The following NSD2 variants were observed in gnomAD, a reference collection of about 807,000 sequenced individuals.
NSD2 encodes nuclear receptor binding SET domain protein 2.
A neutral mutation model predicts 139.0 loss-of-function variants in NSD2; 12 were observed. The ratio of observed to expected loss-of-function variants is 0.09; its 90% CI spans 0.06 to 0.14. The LOEUF is 0.14. NSD2 is among the 10% of genes least tolerant of loss of function. The pLI is 1.00. For missense variants in NSD2, 1,155 were observed against 1,745.0 expected, an observed-to-expected ratio of 0.66 and a Z score of 6.02; for synonymous variants, 669 against 648.7, an observed-to-expected ratio of 1.03 and a Z score of -0.48.
chr4:1,963,465 G>T (rs928827588), intron 18 of NSD2, among the ~76,000 whole-genome samples: 4 of 152,216 alleles, frequency 2.6e-5, no homozygotes, highest in African/African-American at 9.7e-5. Context: ...GAGGTTATTT[G>T]TTAGACATCG....
intron 4 of NSD2, 84 bp downstream of exon 4, chr4:1,917,121 T>C (rs577887332): frequency 2.9e-5 from 37 of 1,286,892 alleles, no homozygotes; most frequent in African/African-American, 2.0e-4. Flanking sequence ...TTTGAACTTA[T>C]ACTTGCTCGA....
chr4:1,891,868 A>C (rs573885483), intron 1 of NSD2, among the ~76,000 whole-genome samples: 50 of 151,166 alleles, frequency 3.3e-4, no homozygotes, highest in Non-Finnish European at 4.1e-4. Context: ...AAAAAAAAAA[A>C]AAACAAAAAA....
intron 9 of NSD2, chr4:1,944,111 G>C: frequency 2.8e-6 from 3 of 1,066,354 alleles, no homozygotes; most frequent in South Asian, 9.1e-5. Context: ...CGTTCCCTGG[G>C]GACATTGGGA....
chr4:1,874,275 C>T (rs1714090118), intron 1 of NSD2, among the ~76,000 whole-genome samples: 1 of 152,110 alleles, frequency 6.6e-6, no homozygotes, highest in Admixed American at 6.6e-5. Context: ...TAAGTGTGAC[C>T]TTGTTCTCCA....
Position 1,973,279 on chromosome 4 carries a change from C to A in NSD2, c.3373-1584C>A, listed in dbSNP as rs953231932. On this transcript the variant is annotated intron_variant, in intron 18 of 21. Coordinates refer to ENST00000508803, the MANE Select transcript of NSD2 (RefSeq NM_001042424.3). The surrounding 1 kb of genome is among the most constrained non-coding windows in gnomAD (Gnocchi z 5.5). ...AACTGGCCCGATAAGAAGGAAGTGG[C>A]ACTGGGCCCCGCTGGTAATGGTAGG... 1.3e-5 allele frequency among the ~76,000 whole-genome samples: 2 copies of A among 152,214 alleles called. No homozygotes were observed. Among genetic ancestry groups the A allele is most frequent in the Non-Finnish European group, 2.9e-5 (2 of 68,032 alleles).
intron 3 of NSD2, among the ~76,000 whole-genome samples, chr4:1,915,377 G>A (rs1461224275): frequency 6.6e-6 from 1 of 152,128 alleles, no homozygotes; most frequent in African/African-American, 2.4e-5. Flanking sequence ...GCCTCCCAAA[G>A]TGCTGGGATT....
chr4:1,894,784 G>A (rs554363926), intron 1 of NSD2, among the ~76,000 whole-genome samples: 21 of 152,054 alleles, frequency 1.4e-4, no homozygotes, highest in Admixed American at 1.3e-3. Context: ...GAGGATTTTT[G>A]GGGGTATACG....
intron 21 of NSD2, 56 bp from the exon 22 acceptor site, chr4:1,978,582 T>C: frequency 1.9e-6 from 3 of 1,548,116 alleles, no homozygotes; most frequent in South Asian, 2.5e-5. Flanking sequence ...ACCACGATAA[T>C]GTTGAAGTCG....
At chr4:1,917,857 C>T in intron 4 of NSD2, among the ~76,000 whole-genome samples, 1 of 146,084 alleles carries the variant, frequency 6.8e-6, no homozygotes, top group Non-Finnish European at 1.5e-5. Context: ...TCTCGGGTTA[C>T]TGCATCCGCT....
chr4:1,914,072 G>C (rs1199914747), intron 3 of NSD2, among the ~76,000 whole-genome samples: 1 of 152,154 alleles, frequency 6.6e-6, no homozygotes, highest in Non-Finnish European at 1.5e-5. Flanking sequence ...GCCCAGGCTA[G>C]AGTTCAGTGG....
In NSD2 at chr4:1,939,731, G is replaced by T. The variant is rs1722883315; in HGVS notation, c.1834G>T (p.Gly612Trp). The T allele has an allele frequency of 6.2e-7, 1 of 1,614,072 alleles. No homozygotes were observed. ...TTCCACGGCAGCATCTTCAGCTCTTGGGTTTAGCAAAAGTTCATCTCCTTC... is the reference window on the plus strand; with the variant it reads ...TTCCACGGCAGCATCTTCAGCTCTTTGGTTTAGCAAAAGTTCATCTCCTTC... ...RASTAASSAL[G>W]FSKSSSPSAS... The change falls in exon 9 of 22, where the codon GGG becomes TGG. Residue 612 changes from glycine (G) to tryptophan (W), a missense_variant. Physicochemically the swap from Gly to Trp is radical, Grantham distance 184. Transcript: ENST00000508803.
In NSD2 at chr4:1,917,042, T is replaced by C. The variant is rs1210240209; in HGVS notation, c.927+5T>C. The C allele has an allele frequency of 6.2e-7, 1 of 1,604,506 alleles. No homozygotes were observed. ...ACGAAAGCTGAGAAAATTAAGGTGA[T>C]AGATGACCCTTCAGTCTACTTTTAG... is the stretch of plus-strand genomic sequence containing the variant. On this transcript the variant is annotated splice_donor_5th_base_variant and intron_variant, in intron 4 of 21. Transcript: ENST00000508803.
At chr4:1,939,583 G>A in intron 8 of NSD2, 71 bp from the exon 9 acceptor site, 1 of 1,440,246 alleles carries the variant, frequency 6.9e-7, no homozygotes, top group Admixed American at 1.7e-5. Context: ...TTATTTGAGG[G>A]GTAATTTTTA....
Position 1,903,198 on chromosome 4 carries a change from A to T in NSD2, c.598-1018A>T, listed in dbSNP as rs537337698. On this transcript the variant is annotated intron_variant, in intron 2 of 21. Coordinates refer to ENST00000508803, the MANE Select transcript of NSD2 (RefSeq NM_001042424.3). ...TTACAGGTGAGAAAACTGAGGCCTG[A>T]GGCAGTGGAACAATTTACTCATGTG... Among the ~76,000 whole-genome samples the T allele has an allele frequency of 4.6e-5, 7 of 152,272 alleles. No individual in the cohort carries two copies. The South Asian group carries it at 1.5e-3, about 32-fold the overall frequency.
chr4:1,975,040 CTA>C (rs1467930735), intron 19 of NSD2, 36 bp downstream of exon 19: 3 of 1,612,974 alleles, frequency 1.9e-6, no homozygotes, highest in Non-Finnish European at 2.5e-6. Flanking sequence ...GGGCTCCTGG[CTA>C]TGGGGGCAGA....
intron 12 of NSD2, among the ~76,000 whole-genome samples, chr4:1,954,194 A>T (rs1724578072): frequency 6.6e-6 from 1 of 152,040 alleles, no homozygotes; most frequent in Non-Finnish European, 1.5e-5. Context: ...CATGTTGGTC[A>T]GGCTGGTCTT....
chr4:1,872,583 T>TGAGAGAGAGA (rs1255714415), intron 1 of NSD2, among the ~76,000 whole-genome samples: 3 of 62,598 alleles, frequency 4.8e-5, no homozygotes, highest in African/African-American at 1.6e-4. Context: ...TGTGTGTGTG[T>TGAGAGAGAGA]GTGTGTGTGA....
intron 1 of NSD2, among the ~76,000 whole-genome samples, chr4:1,872,581 T>TGA (rs1713882211): frequency 1.5e-5 from 1 of 66,198 alleles, no homozygotes; most frequent in East Asian, 5.8e-4. Context: ...TGTGTGTGTG[T>TGA]GTGTGTGTGT....
intron 11 of NSD2, chr4:1,952,744 T>C (rs958291924): frequency 4.6e-6 from 5 of 1,084,870 alleles, no homozygotes; most frequent in African/African-American, 3.3e-5. Context: ...TCCATGTTAC[T>C]GCATCAGGTG....
Sources: allele counts gnomAD v4.1 joint callset (sites outside exome capture counted in the v4.1 genomes callset), GRCh38; gene constraint gnomAD v4.1.1; non-coding constraint Gnocchi (gnomAD v3.1); transcripts MANE v1.5; gene names NCBI Gene and HGNC (gene_info 2026-07-23, HGNC 2026-07-21).